The following TRAP1 variants were observed in gnomAD, a reference collection of about 807,000 sequenced individuals.
TRAP1 encodes the protein heat shock protein 75 kDa, mitochondrial.
In TRAP1, 102 loss-of-function variants were observed where a neutral mutation model predicts 89.1. The observed-to-expected ratio is 1.15, with a 90% CI of 0.98 to 1.35. The LOEUF is 1.35. TRAP1 is among the 40% of genes most tolerant of loss of function. TRAP1 has a pLI of 0.00. For synonymous variants in TRAP1, 508 were observed against 388.0 expected (o/e 1.31, Z -3.64); for missense variants, 1,256 against 945.3 (o/e 1.33, Z -4.31).
rs1461150566 is a variant in TRAP1, at chr16:3,710,877, A to ATT, written c.88+6543_88+6544insAA. On this transcript the variant is annotated intron_variant, in intron 1 of 17. Coordinates refer to ENST00000246957, the MANE Select transcript of TRAP1 (RefSeq NM_016292.3). ...TGTGTGTATATATATATATATATAT[A>ATT]TATTTTTTTTTTTGAGACACTGTCA... Among the ~76,000 whole-genome samples the ATT allele has an allele frequency of 5.1e-3, 473 of 93,560 alleles. 5 individuals are homozygous for ATT. Among genetic ancestry groups the ATT allele is most frequent in the African/African-American group, 0.019 (418 of 22,200 alleles). 61.4% of individuals were successfully genotyped at this position (93,560 alleles called of 152,430 possible).
chr16:3,683,140 G>C (rs956397313), intron 4 of TRAP1, among the ~76,000 whole-genome samples: 2 of 151,734 alleles, frequency 1.3e-5, no homozygotes, highest in African/African-American at 4.8e-5. Flanking sequence ...CTGCACTCCA[G>C]CGTGGGCAAC....
At position 3,670,926 on chromosome 16, in the gene TRAP1, G is replaced by T. The variant is rs77265348; in HGVS notation, c.1235+796C>A. 2.3e-3 allele frequency among the ~76,000 whole-genome samples: 344 copies of T among 152,182 alleles called. 4 individuals carry two copies. Among genetic ancestry groups the T allele is most frequent in the African/African-American group, 7.8e-3 (323 of 41,498 alleles). On this transcript the variant is annotated intron_variant, in intron 11 of 17. Coordinates refer to ENST00000246957, the MANE Select transcript of TRAP1 (RefSeq NM_016292.3). ...GAATCTCTGAGGACCAGTGCCTCTCGGTGTGGGCCTCTCGCCATGCCCACA... is the reference window on the plus strand; with the variant it reads ...GAATCTCTGAGGACCAGTGCCTCTCTGTGTGGGCCTCTCGCCATGCCCACA...
At chr16:3,696,914 A>ATTTCTGGGATTTCTGTAGAGATTT (rs1484225424) in intron 1 of TRAP1, among the ~76,000 whole-genome samples, 3 of 152,014 alleles carry the variant, frequency 2.0e-5, no homozygotes, top group Non-Finnish European at 2.9e-5. Context: ...TTCTGTAGAG[A>ATTTCTGGGATTTCTGTAGAGATTT]CAGGGATTCA....
intron 1 of TRAP1, among the ~76,000 whole-genome samples, chr16:3,693,433 G>C (rs946197513): frequency 3.3e-5 from 5 of 151,690 alleles, no homozygotes; most frequent in African/African-American, 4.8e-5. Context: ...GAATTAAATG[G>C]TATTTGGCAT....
At chr16:3,688,624 A>C (rs1344406486) in intron 3 of TRAP1, among the ~76,000 whole-genome samples, 1 of 152,000 alleles carries the variant, frequency 6.6e-6, no homozygotes, top group African/African-American at 2.4e-5. Flanking sequence ...CTGGGACCAC[A>C]GGTCAGTGCC....
intron 14 of TRAP1, 84 bp downstream of exon 14, chr16:3,663,340 C>G: frequency 6.4e-7 from 1 of 1,569,358 alleles, no homozygotes; most frequent in Non-Finnish European, 8.7e-7. Context: ...TGACGAAAAC[C>G]CAAAGGAAGC....
intron 7 of TRAP1, 111 bp from the exon 8 acceptor site, chr16:3,675,508 G>T: frequency 1.0e-6 from 1 of 991,402 alleles, no homozygotes; most frequent in Non-Finnish European, 1.6e-6. Flanking sequence ...CCTCCATGCT[G>T]TGTACACTTC....
At chr16:3,704,644 G>A (rs564251221) in intron 1 of TRAP1, among the ~76,000 whole-genome samples, 1 of 151,950 alleles carries the variant, frequency 6.6e-6, no homozygotes, top group African/African-American at 2.4e-5. Flanking sequence ...CTCGAGCTCA[G>A]GAGCTCGAGG....
In TRAP1 at chr16:3,676,061, C is replaced by T. The variant is rs1224871065; in HGVS notation, c.789G>A (p.Glu263=). The stretch of plus-strand genomic sequence containing the variant: ...CTCGCACCCGGGCCTCGCTGGAAAA[C>T]TCCTTGCAGTCGGATTTCAGGTGGA... ...IIIHLKSDCK[E]FSSEARVRDV... Residue 263 remains glutamate (E), a synonymous_variant, in exon 7 of 18, where the codon GAG becomes GAA. Transcript: ENST00000246957. The T allele has an allele frequency of 6.2e-7, 1 of 1,614,012 alleles. No homozygotes were observed. Among genetic ancestry groups the T allele is most frequent in the Admixed American group, 1.7e-5 (1 of 59,992 alleles).
intron 1 of TRAP1, among the ~76,000 whole-genome samples, chr16:3,698,724 T>C (rs773841010): frequency 1.3e-5 from 2 of 151,898 alleles, no homozygotes; most frequent in African/African-American, 4.8e-5. Context: ...CTGGGTAACA[T>C]GGCAAAACCC....
At chr16:3,695,772 G>A (rs905659498) in intron 1 of TRAP1, among the ~76,000 whole-genome samples, 1 of 152,120 alleles carries the variant, frequency 6.6e-6, no homozygotes, top group Non-Finnish European at 1.5e-5. Flanking sequence ...CAGGAGATGT[G>A]TCCCCTGCGG....
intron 1 of TRAP1, among the ~76,000 whole-genome samples, chr16:3,706,302 TCTCA>T: frequency 6.6e-6 from 1 of 151,678 alleles, no homozygotes; most frequent in African/African-American, 2.4e-5. Context: ...GGGGTGGGGG[TCTCA>T]CTATGTTGCC....
At chr16:3,681,704 TAGAGTCC>T (rs2051075541) in intron 4 of TRAP1, among the ~76,000 whole-genome samples, 1 of 152,214 alleles carries the variant, frequency 6.6e-6, no homozygotes, top group Non-Finnish European at 1.5e-5. Flanking sequence ...GAAACTTAAA[TAGAGTCC>T]TTAAGGGAAA....
intron 16 of TRAP1, chr16:3,660,750 CAT>C (rs969810861): frequency 2.0e-5 from 3 of 152,128 alleles, no homozygotes; most frequent in African/African-American, 7.2e-5. Flanking sequence ...AAAAACTAGA[CAT>C]GTACTAAAGA....
intron 1 of TRAP1, among the ~76,000 whole-genome samples, chr16:3,696,703 G>A (rs550589820): frequency 6.6e-5 from 10 of 151,522 alleles, no homozygotes; most frequent in East Asian, 1.9e-4. Flanking sequence ...ACTATAGGCC[G>A]TGTATTACCA....
chr16:3,708,141 C>A (rs565952689), intron 1 of TRAP1, among the ~76,000 whole-genome samples: 1 of 151,428 alleles, frequency 6.6e-6, no homozygotes. Flanking sequence ...AGGCCTGCAG[C>A]GAGCCAGGAT....
chr16:3,674,539 C>A (rs749391631), intron 8 of TRAP1, 45 bp from the exon 9 acceptor site: 3 of 1,600,560 alleles, frequency 1.9e-6, no homozygotes, highest in Non-Finnish European at 2.6e-6. Flanking sequence ...TCACCACGCA[C>A]GTCTTCTCCA....
At chr16:3,663,371 G>A in intron 14 of TRAP1, 53 bp downstream of exon 14, 1 of 1,609,386 alleles carries the variant, frequency 6.2e-7, no homozygotes, top group Non-Finnish European at 8.5e-7. Flanking sequence ...GGGCAGGAGA[G>A]GCGTGCGGGG....
intron 7 of TRAP1, 140 bp from the exon 8 acceptor site, chr16:3,675,537 C>T (rs2050978546): frequency 4.0e-6 from 3 of 747,796 alleles, no homozygotes; most frequent in Non-Finnish European, 6.6e-6. Context: ...AGAAACAGGG[C>T]ACAGTGGGGA....
Sources: gnomAD v4.1 joint callset for allele counts (sites outside exome capture counted in the v4.1 genomes callset) on GRCh38, gnomAD v4.1.1 for gene constraint, MANE v1.5 for transcripts, NCBI Gene and HGNC (gene_info 2026-07-23, HGNC 2026-07-21) for gene names.